PDLIM5: variants seen among roughly 807,000 people sequenced by gnomAD.
The protein encoded by PDLIM5 is PDZ and LIM domain 5.
PDLIM5 carries 34 observed loss-of-function variants against 64.2 expected under a neutral mutation model. The ratio of observed to expected loss-of-function variants is 0.53; its 90% confidence interval spans 0.40 to 0.71. The LOEUF (loss-of-function observed/expected upper bound fraction) is 0.71. Ranked by LOEUF, PDLIM5 falls within the 30% of genes least tolerant of loss-of-function variation. The pLI is 0.00. For missense variants in PDLIM5, 683 were observed against 733.6 expected (o/e 0.93, Z 0.80); for synonymous variants, 253 against 269.1 (o/e 0.94, Z 0.59).
intron 7 of PDLIM5, among the ~76,000 whole-genome samples, chr4:94,597,968 G>A (rs567933163): frequency 6.6e-6 from 1 of 152,138 alleles, no homozygotes; most frequent in Admixed American, 6.6e-5. Flanking sequence ...GATAGATTGG[G>A]AGAGATGTTA....
intron 2 of PDLIM5, among the ~76,000 whole-genome samples, chr4:94,517,563 C>T (rs2510787): frequency 0.39 from 59,190 of 152,052 alleles, 12,857 homozygotes; most frequent in African/African-American, 0.6. Context: ...ACAGCACTGT[C>T]AGAAAAACAA....
At chr4:94,496,690 A>G (rs1355832860) in intron 2 of PDLIM5, among the ~76,000 whole-genome samples, 1 of 152,078 alleles carries the variant, frequency 6.6e-6, no homozygotes, top group African/African-American at 2.4e-5. Flanking sequence ...GGGTTTTACC[A>G]TGTTTCCCAG....
intron 2 of PDLIM5, 120 bp downstream of exon 2, chr4:94,455,504 C>T: frequency 4.0e-6 from 3 of 753,458 alleles, no homozygotes; most frequent in Non-Finnish European, 6.9e-6. Flanking sequence ...GGGATTTGAT[C>T]TTGGCAAATT....
intron 2 of PDLIM5, among the ~76,000 whole-genome samples, chr4:94,480,637 A>G (rs1456088080): frequency 1.3e-5 from 2 of 152,194 alleles, no homozygotes; most frequent in Non-Finnish European, 2.9e-5. Context: ...CTTAGGGAAG[A>G]TACAGAAAGG....
intron 7 of PDLIM5, among the ~76,000 whole-genome samples, chr4:94,600,088 G>A (rs1396785651): frequency 6.6e-6 from 1 of 152,152 alleles, no homozygotes; most frequent in African/African-American, 2.4e-5. Context: ...ACAAGGGTAA[G>A]TGGGAAGCAT....
intron 5 of PDLIM5, chr4:94,582,688 T>G (rs761086069): frequency 2.0e-6 from 3 of 1,531,492 alleles, no homozygotes; most frequent in Non-Finnish European, 2.7e-6. Context: ...CTATCGCATC[T>G]TTTTTTGTGT....
intron 9 of PDLIM5, among the ~76,000 whole-genome samples, chr4:94,647,382 CA>C (rs76169283): frequency 0.025 from 3,716 of 150,968 alleles, 155 homozygotes; most frequent in East Asian, 0.15. Context: ...GATGTTAAGA[CA>C]AAAAAAATTA....
intron 2 of PDLIM5, among the ~76,000 whole-genome samples, chr4:94,482,330 C>T (rs1725940983): frequency 6.6e-6 from 1 of 152,204 alleles, no homozygotes; most frequent in East Asian, 1.9e-4. Context: ...CCACTGCACC[C>T]AGCCCAATTT....
intron 2 of PDLIM5, among the ~76,000 whole-genome samples, chr4:94,471,267 T>G (rs1724846357): frequency 6.6e-6 from 1 of 152,166 alleles, no homozygotes; most frequent in South Asian, 2.1e-4. Context: ...AAAACCAACT[T>G]ATAAATTACC....
At chr4:94,576,073 T>C (rs752243378) in intron 5 of PDLIM5, 39 bp downstream of exon 5, 2 of 1,521,644 alleles carry the variant, frequency 1.3e-6, no homozygotes, top group East Asian at 2.3e-5. Context: ...ACTAAAACTC[T>C]TCTTTCAGGT....
chr4:94,599,620 A>G (rs554679136), intron 7 of PDLIM5, among the ~76,000 whole-genome samples: 2 of 152,318 alleles, frequency 1.3e-5, no homozygotes, highest in South Asian at 2.1e-4. Context: ...TGAAGAAATC[A>G]AACAATTCAA....
intron 8 of PDLIM5, among the ~76,000 whole-genome samples, chr4:94,629,778 G>A (rs1560752168): frequency 6.6e-6 from 1 of 152,140 alleles, no homozygotes; most frequent in Non-Finnish European, 1.5e-5. Context: ...TTAGAGAAAT[G>A]GTAATAGTTT....
chr4:94,657,375 A>G lies in PDLIM5; in HGVS notation c.1465-52A>G, dbSNP rs1251339797. The G allele has an allele frequency of 2.2e-5, 28 of 1,284,078 alleles. No homozygotes were observed. In the East Asian group the frequency reaches 6.3e-4, roughly 29 times the overall value. The allele number at this position is 1,284,078 out of a possible 1,614,324, so 79.5% of individuals were successfully genotyped here. ...GGTACAGATATTAGAATAAACATTTATGTATTTATTGTCATCTTCTTTTTT... is the reference window on the plus strand; with the variant it reads ...GGTACAGATATTAGAATAAACATTTGTGTATTTATTGTCATCTTCTTTTTT... On this transcript the variant is annotated intron_variant, in intron 10 of 12. Coordinates refer to ENST00000317968, the MANE Select transcript of PDLIM5 (RefSeq NM_006457.5).
intron 2 of PDLIM5, among the ~76,000 whole-genome samples, chr4:94,460,105 T>C (rs994895525): frequency 2.0e-5 from 3 of 152,228 alleles, no homozygotes; most frequent in Admixed American, 6.5e-5. Context: ...AAAATTAATT[T>C]AGTTTGTATA....
chr4:94,574,199 C>T (rs1735049722), intron 4 of PDLIM5, among the ~76,000 whole-genome samples: 1 of 152,082 alleles, frequency 6.6e-6, no homozygotes, highest in African/African-American at 2.4e-5. Context: ...TTTTCTTCTT[C>T]CTATAAGATG....
Position 94,665,901 on chromosome 4 carries a change from AG to A in PDLIM5, c.*1835del, listed in dbSNP as rs1743057559. 7.0e-7 allele frequency: 1 copy of A among 1,433,140 alleles called. No homozygotes were observed. Among genetic ancestry groups the A allele is most frequent in the African/African-American group, 1.4e-5 (1 of 69,310 alleles). The allele number at this position is 1,433,140 out of a possible 1,614,324, so 88.8% of individuals were successfully genotyped here. On this transcript the variant is annotated 3_prime_UTR_variant, in exon 13 of 13. Coordinates refer to ENST00000317968, the MANE Select transcript of PDLIM5 (RefSeq NM_006457.5). The stretch of plus-strand genomic sequence containing the variant: ...TTATTTGATTTCCTCCTTTGGGAAA[AG>A]AATTATGTAGATACCACATGGAGAC...
At chr4:94,591,139 A>G (rs957129256) in intron 7 of PDLIM5, among the ~76,000 whole-genome samples, 6 of 152,216 alleles carry the variant, frequency 3.9e-5, no homozygotes, top group Non-Finnish European at 5.9e-5. Flanking sequence ...GCTCTTCACA[A>G]TAGTGATGAA....
At chr4:94,527,635 A>G (rs939046329) in intron 3 of PDLIM5, among the ~76,000 whole-genome samples, 1 of 147,038 alleles carries the variant, frequency 6.8e-6, no homozygotes, top group Admixed American at 6.6e-5. Context: ...AGGATTGGGA[A>G]GCAGAAGAAA....
At chr4:94,659,536 G>A (rs1742501531) in intron 11 of PDLIM5, among the ~76,000 whole-genome samples, 5 of 143,548 alleles carry the variant, frequency 3.5e-5, no homozygotes, top group African/African-American at 1.1e-4. Flanking sequence ...GTGTGTGTGT[G>A]TGTATTGTTT....
Sources: gnomAD v4.1 joint callset for allele counts (sites outside exome capture counted in the v4.1 genomes callset) on GRCh38, gnomAD v4.1.1 for gene constraint, MANE v1.5 for transcripts, NCBI Gene and HGNC (gene_info 2026-07-23, HGNC 2026-07-21) for gene names.